The following SCAPER variants were observed in gnomAD, a reference collection of about 807,000 sequenced individuals.
SCAPER encodes the protein S-phase cyclin A associated protein in the ER.
A neutral mutation model predicts 182.2 loss-of-function variants in SCAPER; 98 were observed. The observed-to-expected ratio is 0.54, with a 90% CI of 0.46 to 0.64. SCAPER has a LOEUF of 0.64. Ranked by LOEUF, SCAPER falls within the 30% of genes least tolerant of loss-of-function variation. SCAPER has a pLI of 0.00. For synonymous variants in SCAPER, 605 were observed against 564.6 expected (o/e 1.07, Z -1.01); for missense variants, 1,432 against 1,690.0 (o/e 0.85, Z 2.68).
chr15:76,504,638 C>A lies in SCAPER; in HGVS notation c.2954+221G>T, dbSNP rs754480977. Among the ~76,000 whole-genome samples the A allele has an allele frequency of 2.0e-5, 3 of 152,182 alleles. No individual in the cohort carries two copies. In the East Asian group the frequency reaches 5.8e-4, roughly 29 times the overall value. On this transcript the variant is annotated intron_variant, in intron 24 of 31. Transcript: ENST00000563290. ...TTCTTGATTTCAGATTAGAGCACAT[C>A]ACAGACCAAAGAGATTTCCTTTATA... is the stretch of plus-strand genomic sequence containing the variant.
At chr15:76,865,398 C>A (rs945678643) in intron 2 of SCAPER, among the ~76,000 whole-genome samples, 24 of 152,024 alleles carry the variant, frequency 1.6e-4, no homozygotes. Flanking sequence ...AAATTGGTAA[C>A]TTATTGCCTA....
chr15:76,652,371 C>CACACACACACATATATATAT (rs764864981), intron 21 of SCAPER, among the ~76,000 whole-genome samples: 2 of 8,064 alleles, frequency 2.5e-4, no homozygotes, highest in African/African-American at 5.2e-4. Context: ...CACACACACA[C>CACACACACACATATATATAT]ATATATATAT....
At chr15:76,472,245 G>A in intron 24 of SCAPER, 1 of 554,780 alleles carries the variant, frequency 1.8e-6, no homozygotes, top group South Asian at 1.4e-5. Context: ...GGAGAGAGAG[G>A]AGGTACCCAA....
At chr15:76,454,681 T>G (rs1432055735) in intron 25 of SCAPER, among the ~76,000 whole-genome samples, 9 of 152,168 alleles carry the variant, frequency 5.9e-5, no homozygotes, top group Non-Finnish European at 1.0e-4. Context: ...GTAATTTTTT[T>G]TCTTGCACCA....
intron 23 of SCAPER, among the ~76,000 whole-genome samples, chr15:76,509,032 A>G (rs1423329532): frequency 6.6e-6 from 1 of 152,200 alleles, no homozygotes; most frequent in Non-Finnish European, 1.5e-5. Context: ...GTGTAGGGAA[A>G]ATGGTAAAGG....
chr15:76,445,290 A>T (rs912683784), intron 25 of SCAPER, among the ~76,000 whole-genome samples: 3 of 152,222 alleles, frequency 2.0e-5, no homozygotes, highest in African/African-American at 7.2e-5. Flanking sequence ...ATGTTGAAGC[A>T]TTTTTATGGT....
intron 29 of SCAPER, among the ~76,000 whole-genome samples, chr15:76,362,263 G>A (rs190867418): frequency 2.6e-5 from 4 of 152,084 alleles, no homozygotes; most frequent in Non-Finnish European, 5.9e-5. Flanking sequence ...ATGGGCCACC[G>A]CGCTCAGCCC....
chr15:76,589,210 G>A (rs2048922695), intron 22 of SCAPER, among the ~76,000 whole-genome samples: 1 of 152,154 alleles, frequency 6.6e-6, no homozygotes, highest in African/African-American at 2.4e-5. Flanking sequence ...CCAGGAGGTG[G>A]CATTTTCAAG....
intron 15 of SCAPER, among the ~76,000 whole-genome samples, chr15:76,751,543 G>C (rs1438657887): frequency 6.6e-6 from 1 of 151,710 alleles, no homozygotes; most frequent in Non-Finnish European, 1.5e-5. Context: ...TAGACCTATG[G>C]AATAGAACAC....
intron 26 of SCAPER, among the ~76,000 whole-genome samples, chr15:76,422,122 C>A (rs1034620683): frequency 6.6e-6 from 1 of 152,102 alleles, no homozygotes; most frequent in Non-Finnish European, 1.5e-5. Context: ...TTTGGTTCCA[C>A]ATGAACTTTA....
chr15:76,429,762 T>C (rs1258335680), intron 26 of SCAPER, among the ~76,000 whole-genome samples: 1 of 152,196 alleles, frequency 6.6e-6, no homozygotes, highest in Non-Finnish European at 1.5e-5. Flanking sequence ...GACTACGCGA[T>C]AGAAAAGAAA....
Position 76,409,488 on chromosome 15 carries a change from A to G in SCAPER, c.3312-4809T>C, listed in dbSNP as rs112953705. 1.7e-3 allele frequency among the ~76,000 whole-genome samples: 253 copies of G among 152,240 alleles called. 2 individuals carry two copies. The highest frequency in any genetic ancestry group is 0.014 in the Middle Eastern group (4 of 294). On this transcript the variant is annotated intron_variant, in intron 26 of 31. Coordinates refer to ENST00000563290, the MANE Select transcript of SCAPER (RefSeq NM_020843.4). Reference sequence around the variant, plus strand: ...TACAAACAGAAAGGGATATTTAGAAACATATACATTATGTGTGTGTGTGTG... The same window carrying G: ...TACAAACAGAAAGGGATATTTAGAAGCATATACATTATGTGTGTGTGTGTG...
At chr15:76,499,885 A>G (rs1203394634) in intron 24 of SCAPER, among the ~76,000 whole-genome samples, 1 of 152,224 alleles carries the variant, frequency 6.6e-6, no homozygotes, top group Non-Finnish European at 1.5e-5. Flanking sequence ...TTAATAGATT[A>G]TGGCTTCTTA....
At chr15:76,673,054 A>C (rs1417426163) in intron 20 of SCAPER, among the ~76,000 whole-genome samples, 1 of 152,210 alleles carries the variant, frequency 6.6e-6, no homozygotes, top group African/African-American at 2.4e-5. Context: ...CCAAAAGAAA[A>C]TAATGTATTT....
Position 76,724,868 on chromosome 15 carries a change from C to T in SCAPER, c.2165+3727G>A, listed in dbSNP as rs550755857. Among the ~76,000 whole-genome samples the T allele has an allele frequency of 2.0e-5, 3 of 152,144 alleles. No individual in the cohort carries two copies. The South Asian group carries it at 6.2e-4, about 32-fold the overall frequency. ...GTTTTTAACTTCTTTGCCATTGGTTCGAACTTCCTCCTTTAGCTCAGAGTA... is the reference window on the plus strand; with the variant it reads ...GTTTTTAACTTCTTTGCCATTGGTTTGAACTTCCTCCTTTAGCTCAGAGTA... On this transcript the variant is annotated intron_variant, in intron 17 of 31. Transcript: ENST00000563290.
At chr15:76,478,319 C>T (rs2143010866) in intron 24 of SCAPER, among the ~76,000 whole-genome samples, 2 of 152,068 alleles carry the variant, frequency 1.3e-5, no homozygotes, top group Middle Eastern at 3.4e-3. Context: ...ATGGTTAATA[C>T]ATATTGTTAA....
At chr15:76,857,909 G>C (rs772438667) in intron 3 of SCAPER, 30 bp from the exon 4 acceptor site, 16 of 1,414,804 alleles carry the variant, frequency 1.1e-5, no homozygotes, top group Non-Finnish European at 1.6e-5. Context: ...TAAATATGTA[G>C]ATATACAGAA....
chr15:76,773,858 A>T (rs2063600336), intron 9 of SCAPER, among the ~76,000 whole-genome samples: 1 of 151,922 alleles, frequency 6.6e-6, no homozygotes, highest in South Asian at 2.1e-4. Flanking sequence ...TTCCTGTAGT[A>T]TGATATTTAA....
At chr15:76,777,702 T>G (rs902147052) in intron 8 of SCAPER, among the ~76,000 whole-genome samples, 42 of 151,962 alleles carry the variant, frequency 2.8e-4, no homozygotes, top group African/African-American at 9.6e-4. Context: ...CTCAAAAAAG[T>G]AAATAAATAA....
Sources: allele counts gnomAD v4.1 joint callset (sites outside exome capture counted in the v4.1 genomes callset), GRCh38; gene constraint gnomAD v4.1.1; transcripts MANE v1.5; gene names NCBI Gene and HGNC (gene_info 2026-07-23, HGNC 2026-07-21).